MAGI1: variants seen among roughly 807,000 people sequenced by gnomAD.
MAGI1 encodes membrane-associated guanylate kinase, WW and PDZ domain-containing protein 1.
MAGI1 carries 58 observed loss-of-function variants against 139.9 expected under a neutral mutation model. The observed-to-expected ratio is 0.41, with a 90% CI of 0.34 to 0.52. The LOEUF (loss-of-function observed/expected upper bound fraction) is 0.52. Ranked by LOEUF, MAGI1 falls within the 20% of genes least tolerant of loss-of-function variation. The probability of loss-of-function intolerance (pLI) is 0.12; values close to 1 mark genes in which losing one functional copy is unlikely to be tolerated. For missense variants in MAGI1, 1,874 were observed against 1,901.6 expected, an observed-to-expected ratio of 0.99 and a Z score of 0.27; for synonymous variants, 812 against 737.9, an observed-to-expected ratio of 1.10 and a Z score of -1.63.
intron 2 of MAGI1, among the ~76,000 whole-genome samples, chr3:65,605,358 C>T (rs987650240): frequency 1.3e-5 from 2 of 152,150 alleles, no homozygotes; most frequent in Admixed American, 6.5e-5. Flanking sequence ...TGAAACTTTA[C>T]ACTACACTCA....
chr3:65,430,556 T>C, intron 11 of MAGI1, 143 bp downstream of exon 11: 1 of 807,442 alleles, frequency 1.2e-6, no homozygotes, highest in Non-Finnish European at 1.9e-6. Flanking sequence ...CCTGGCTCAT[T>C]CTCAAGGTGT....
rs747189565 is a variant in MAGI1, at chr3:65,439,904, CTGCTGCTGCTGT to C, written c.1233_1244del (p.Gln418_Gln421del). On this transcript the variant is annotated inframe_deletion, in exon 9 of 23. Transcript: ENST00000402939. ...CTTCTGTCTGCTGCTGCTGCTGCTG[CTGCTGCTGCTGT>C]TGCTGCTGCTGTTGCTGCTGCTGCT... is the stretch of plus-strand genomic sequence containing the variant. 1,737 of 1,609,556 alleles carry C rather than the reference CTGCTGCTGCTGT, an allele frequency of 1.1e-3. 8 individuals are homozygous for C. In the African/African-American group the frequency reaches 0.017, roughly 16 times the overall value.
At chr3:65,371,528 T>TTGC (rs1476006764) in intron 18 of MAGI1, among the ~76,000 whole-genome samples, 1 of 152,210 alleles carries the variant, frequency 6.6e-6, no homozygotes, top group Non-Finnish European at 1.5e-5. Context: ...AGGGTGGTGG[T>TTGC]TGCTGAAGGT....
intron 10 of MAGI1, 49 bp downstream of exon 10, chr3:65,437,106 T>C (rs1334822002): frequency 2.3e-6 from 3 of 1,332,008 alleles, no homozygotes; most frequent in Admixed American, 2.0e-5. Flanking sequence ...TAAAAAAAAT[T>C]AGATTTTGAG....
At chr3:65,542,613 T>C (rs1345814354) in intron 2 of MAGI1, among the ~76,000 whole-genome samples, 1 of 152,080 alleles carries the variant, frequency 6.6e-6, no homozygotes, top group Non-Finnish European at 1.5e-5. Flanking sequence ...TCTACAACCA[T>C]ATGACCTTCG....
intron 2 of MAGI1, among the ~76,000 whole-genome samples, chr3:65,543,170 C>T (rs2079328129): frequency 6.6e-6 from 1 of 152,120 alleles, no homozygotes; most frequent in Non-Finnish European, 1.5e-5. Context: ...CATCACTGGA[C>T]ATTAGAGAAA....
chr3:65,551,546 C>T (rs753723285), intron 2 of MAGI1, among the ~76,000 whole-genome samples: 23 of 152,270 alleles, frequency 1.5e-4, no homozygotes, highest in Admixed American at 8.5e-4. Flanking sequence ...GTGATCCGCC[C>T]GCCTCGGCCT....
intron 2 of MAGI1, among the ~76,000 whole-genome samples, chr3:65,554,949 T>C (rs1010480483): frequency 6.6e-6 from 1 of 152,184 alleles, no homozygotes; most frequent in African/African-American, 2.4e-5. Context: ...GAACTCCAAA[T>C]AGTCATGGTT....
chr3:65,403,460 T>C (rs1437170360), intron 12 of MAGI1, among the ~76,000 whole-genome samples: 1 of 152,248 alleles, frequency 6.6e-6, no homozygotes, highest in African/African-American at 2.4e-5. Context: ...CTTATTAATA[T>C]GATTCCCTTA....
intron 1 of MAGI1, among the ~76,000 whole-genome samples, chr3:65,664,725 A>G (rs1046586314): frequency 9.8e-5 from 15 of 152,316 alleles, no homozygotes; most frequent in East Asian, 1.9e-4. Flanking sequence ...TAGTTGCCCA[A>G]TGAGTATGTT....
intron 1 of MAGI1, among the ~76,000 whole-genome samples, chr3:65,740,720 C>A (rs1264316753): frequency 6.6e-6 from 1 of 152,180 alleles, no homozygotes; most frequent in Non-Finnish European, 1.5e-5. Context: ...AAACCTCTAT[C>A]TCTATAAAAC....
At chr3:65,440,620 AG>A (rs924433625) in intron 8 of MAGI1, among the ~76,000 whole-genome samples, 1 of 152,168 alleles carries the variant, frequency 6.6e-6, no homozygotes, top group African/African-American at 2.4e-5. Context: ...AGTTAAACAA[AG>A]AACTCCACTC....
intron 1 of MAGI1, among the ~76,000 whole-genome samples, chr3:65,760,743 A>G (rs1019375487): frequency 6.6e-6 from 1 of 152,104 alleles, no homozygotes; most frequent in Admixed American, 6.6e-5. Flanking sequence ...CAGGCCGCAA[A>G]GCCTCTGTCC....
chr3:65,680,503 C>A (rs2087506586), intron 1 of MAGI1, among the ~76,000 whole-genome samples: 1 of 152,148 alleles, frequency 6.6e-6, no homozygotes, highest in African/African-American at 2.4e-5. Context: ...GAATCTCAAC[C>A]TCCTGGGCTC....
chr3:65,426,153 G>T (rs1248661282), intron 12 of MAGI1, among the ~76,000 whole-genome samples: 1 of 152,274 alleles, frequency 6.6e-6, no homozygotes, highest in Admixed American at 6.5e-5. Context: ...GCAGGGAGAT[G>T]TTGATGAAGA....
chr3:65,948,762 A>G (rs1319968943), intron 1 of MAGI1, among the ~76,000 whole-genome samples: 2 of 152,246 alleles, frequency 1.3e-5, no homozygotes, highest in East Asian at 3.8e-4. Flanking sequence ...ATATATGCCA[A>G]GAAATAATAT....
rs553256317 is a variant in MAGI1 at position 65,702,206 on chromosome 3, A to AT, written c.314-80119dup. Among the ~76,000 whole-genome samples the AT allele has an allele frequency of 5.1e-4, 78 of 152,262 alleles. No homozygotes were observed. In the East Asian group the frequency reaches 0.015, roughly 29 times the overall value. On this transcript the variant is annotated intron_variant, in intron 1 of 22. Transcript: ENST00000402939. ...TATCAAGTGGAATTTATATACATATATTTTTTAAGTGTCAGCTTATAAGGC... is the reference window on the plus strand; with the variant it reads ...TATCAAGTGGAATTTATATACATATATTTTTTTAAGTGTCAGCTTATAAGGC...
intron 1 of MAGI1, among the ~76,000 whole-genome samples, chr3:65,815,993 A>C (rs2041576814): frequency 6.6e-6 from 1 of 152,194 alleles, no homozygotes; most frequent in Non-Finnish European, 1.5e-5. Flanking sequence ...GGAGACACTG[A>C]TTTGTATATT....
In MAGI1 at chr3:66,037,935, G is replaced by C. The variant is rs960070740; in HGVS notation, c.313+61C>G. 5.9e-6 allele frequency: 9 copies of C among 1,513,112 alleles called. No homozygotes were observed. The African/African-American group carries it at 7.0e-5, about 12-fold the overall frequency. The allele number at this position is 1,513,112 out of a possible 1,614,324, so 93.7% of individuals were successfully genotyped here. ...GGGAAGCAGGAAATCGAGAATAAGG[G>C]GCAGCCCACAGACCACCCTCCTTTT... On this transcript the variant is annotated intron_variant, in intron 1 of 22. Coordinates refer to ENST00000402939, the MANE Select transcript of MAGI1 (RefSeq NM_001033057.2).
Sources: allele counts gnomAD v4.1 joint callset (sites outside exome capture counted in the v4.1 genomes callset), GRCh38; gene constraint gnomAD v4.1.1; transcripts MANE v1.5; gene names NCBI Gene and HGNC (gene_info 2026-07-23, HGNC 2026-07-21).